The following TAGLN3 variants were observed in gnomAD, a reference collection of about 807,000 sequenced individuals.
TAGLN3 encodes the protein transgelin 3, also known as transgelin-3.
Under a neutral mutation model 25.4 loss-of-function variants are expected in TAGLN3, and 12 were observed. The observed-to-expected ratio is 0.47, with a 90% CI of 0.30 to 0.77. TAGLN3 has a LOEUF of 0.77. Among genes scored for constraint, TAGLN3 ranks in the 30% least tolerant of loss-of-function variants. TAGLN3 has a pLI of 0.06. For synonymous variants in TAGLN3, 96 were observed against 94.8 expected, an observed-to-expected ratio of 1.01 and a Z score of -0.08; for missense variants, 218 against 255.8, an observed-to-expected ratio of 0.85 and a Z score of 1.01.
intron 3 of TAGLN3, among the ~76,000 whole-genome samples, chr3:112,010,266 A>G (rs1439391284): frequency 6.6e-6 from 1 of 152,106 alleles, no homozygotes; most frequent in Non-Finnish European, 1.5e-5. Flanking sequence ...GACATATCAG[A>G]ATAGCTCTTT....
At chr3:112,012,455 T>C (rs755812559) in intron 4 of TAGLN3, among the ~76,000 whole-genome samples, 4 of 152,124 alleles carry the variant, frequency 2.6e-5, no homozygotes, top group Non-Finnish European at 5.9e-5. Context: ...ACAAATTATA[T>C]GGTTATCTCT....
intron 4 of TAGLN3, among the ~76,000 whole-genome samples, chr3:112,012,421 C>T: frequency 6.6e-6 from 1 of 152,032 alleles, no homozygotes; most frequent in Non-Finnish European, 1.5e-5. Context: ...CTCTTTCACT[C>T]TCAACAGCGT....
intron 3 of TAGLN3, among the ~76,000 whole-genome samples, chr3:112,003,541 G>T (rs1255605740): frequency 1.3e-5 from 2 of 152,060 alleles, no homozygotes; most frequent in Non-Finnish European, 2.9e-5. Flanking sequence ...ATGTGAGGGG[G>T]TACATGTTTG....
At chr3:112,012,035 C>T (rs1473223399) in intron 4 of TAGLN3, among the ~76,000 whole-genome samples, 170 bp downstream of exon 4, 1 of 152,176 alleles carries the variant, frequency 6.6e-6, no homozygotes, top group South Asian at 2.1e-4. Context: ...TCTGTACAGG[C>T]CAGTAACCTA....
Position 112,000,527 on chromosome 3 carries a change from T to C in TAGLN3, c.181-245T>C, listed in dbSNP as rs567006847. On this transcript the variant is annotated intron_variant, in intron 2 of 4. Transcript: ENST00000478951. The stretch of plus-strand genomic sequence containing the variant: ...AAGGAAGGGAGGAACAGGGAGGGAA[T>C]GGCGCTCCCAGGCTACAGGAATCTC... The C allele has an allele frequency of 1.9e-4, 72 of 388,680 alleles. No individual in the cohort carries two copies. In the East Asian group the frequency reaches 2.8e-3, roughly 15 times the overall value. The allele number at this position is 388,680 out of a possible 1,614,324, so 24.1% of individuals were successfully genotyped here.
At position 112,009,909 on chromosome 3, in the gene TAGLN3, G is replaced by C. The variant is rs536624719; in HGVS notation, c.356-1854G>C. Among the ~76,000 whole-genome samples the C allele has an allele frequency of 9.9e-5, 15 of 152,016 alleles. No individual in the cohort carries two copies. The East Asian group carries it at 2.7e-3, about 28-fold the overall frequency. Reference sequence around the variant, plus strand: ...GCTCCTGGATATCTTATCTTAGCCGGCAACTTAGTTCCCTTTGTCCTCTCT... The same window carrying C: ...GCTCCTGGATATCTTATCTTAGCCGCCAACTTAGTTCCCTTTGTCCTCTCT... On this transcript the variant is annotated intron_variant, in intron 3 of 4. Coordinates refer to ENST00000478951, the MANE Select transcript of TAGLN3 (RefSeq NM_001008272.2).
intron 4 of TAGLN3, 83 bp downstream of exon 4, chr3:112,011,948 C>T (rs1277637891): frequency 2.3e-6 from 3 of 1,299,920 alleles, no homozygotes; most frequent in Non-Finnish European, 3.2e-6. Context: ...TCTACAGAGG[C>T]TTTATGTGCA....
intron 3 of TAGLN3, among the ~76,000 whole-genome samples, chr3:112,008,342 G>A (rs2072940546): frequency 6.6e-6 from 1 of 152,078 alleles, no homozygotes; most frequent in South Asian, 2.1e-4. Flanking sequence ...AGAGACAGGG[G>A]TTCCCTCTGT....
chr3:111,998,941 C>A lies in TAGLN3; in HGVS notation c.-176C>A, dbSNP rs2072819719. 6.5e-6 allele frequency: 1 copy of A among 152,758 alleles called. No individual in the cohort carries two copies. 9.5% of individuals were successfully genotyped at this position (152,758 alleles called of 1,614,324 possible). Reference sequence around the variant, plus strand: ...AAAATCAAATCAATGTGCCATTCTTCCAGGCGCGAGGCAGCAGCGGCTGCA... The same window carrying A: ...AAAATCAAATCAATGTGCCATTCTTACAGGCGCGAGGCAGCAGCGGCTGCA... On this transcript the variant is annotated 5_prime_UTR_variant, in exon 1 of 5. Coordinates refer to ENST00000478951, the MANE Select transcript of TAGLN3 (RefSeq NM_001008272.2).
Position 112,000,959 on chromosome 3 carries a change from CT to C in TAGLN3, c.355+14del. ...GATCTATGGGAAGGTAAACAGCCCCCTGGCCTTTGGGATTGTTCTTTTCTTC... is the reference window on the plus strand; with the variant it reads ...GATCTATGGGAAGGTAAACAGCCCCCGGCCTTTGGGATTGTTCTTTTCTTC... On this transcript the variant is annotated intron_variant, in intron 3 of 4. Coordinates refer to ENST00000478951, the MANE Select transcript of TAGLN3 (RefSeq NM_001008272.2). The C allele has an allele frequency of 6.2e-7, 1 of 1,612,118 alleles. No homozygotes were observed. The highest frequency in any genetic ancestry group is 8.5e-7 in the Non-Finnish European group (1 of 1,179,012).
intron 3 of TAGLN3, 104 bp downstream of exon 3, chr3:112,001,050 T>G: frequency 9.9e-7 from 1 of 1,008,174 alleles, no homozygotes; most frequent in Non-Finnish European, 1.5e-6. Flanking sequence ...GATTGATGTG[T>G]GTAAGATGCT....
chr3:112,000,885 A>G lies in TAGLN3; in HGVS notation c.294A>G (p.Lys98=), dbSNP rs375985663. The change falls in exon 3 of 5, where the codon AAA becomes AAG. Residue 98 remains lysine (K), a synonymous_variant. Coordinates refer to ENST00000478951, the MANE Select transcript of TAGLN3 (RefSeq NM_001008272.2). ...KQMEQISQFL[K]AAETYGVRTT... ...TGGAGCAAATCTCCCAGTTCCTAAA[A>G]GCTGCGGAGACCTATGGTGTCAGAA... The G allele has an allele frequency of 3.1e-6, 5 of 1,614,084 alleles. No homozygotes were observed. The African/African-American group carries it at 6.7e-5, about 22-fold the overall frequency.
Position 112,013,656 on chromosome 3 carries a change from C to G in TAGLN3, c.*105C>G, listed in dbSNP as rs754421951. The G allele has an allele frequency of 1.1e-5, 17 of 1,532,148 alleles. No homozygotes were observed. Among genetic ancestry groups the G allele is most frequent in the African/African-American group, 2.7e-5 (2 of 72,918 alleles). The allele number at this position is 1,532,148 out of a possible 1,614,324, so 94.9% of individuals were successfully genotyped here. On this transcript the variant is annotated 3_prime_UTR_variant, in exon 5 of 5. Coordinates refer to ENST00000478951, the MANE Select transcript of TAGLN3 (RefSeq NM_001008272.2). ...TCTGACCTTCTCCTCTTTCTCAAAG[C>G]CTTCTGTCCCTGGTTTTTGCAAGTG... is the stretch of plus-strand genomic sequence containing the variant.
At position 112,008,598 on chromosome 3, in the gene TAGLN3, C is replaced by T. The variant is rs1435017205; in HGVS notation, c.356-3165C>T. Among the ~76,000 whole-genome samples, 3 of 152,160 alleles carry T rather than the reference C, an allele frequency of 2.0e-5. No individual in the cohort carries two copies. The East Asian group carries it at 5.8e-4, about 29-fold the overall frequency. On this transcript the variant is annotated intron_variant, in intron 3 of 4. Transcript: ENST00000478951. Reference sequence around the variant, plus strand: ...CAGCTTCTACAAGTGGCCCTGACTCCTGTGTGCCACTCTCATCCAATGGTG... The same window carrying T: ...CAGCTTCTACAAGTGGCCCTGACTCTTGTGTGCCACTCTCATCCAATGGTG...
intron 3 of TAGLN3, among the ~76,000 whole-genome samples, chr3:112,010,920 C>T (rs1312994601): frequency 1.3e-5 from 2 of 152,218 alleles, no homozygotes; most frequent in Non-Finnish European, 2.9e-5. Flanking sequence ...TGAGCTGCAG[C>T]AGCTGGGCCA....
At chr3:112,001,306 C>T (rs2072857191) in intron 3 of TAGLN3, among the ~76,000 whole-genome samples, 2 of 152,310 alleles carry the variant, frequency 1.3e-5, no homozygotes, top group East Asian at 3.9e-4. Context: ...GTGCTTCTTG[C>T]TCAACTGCAG....
intron 1 of TAGLN3, 109 bp downstream of exon 1, chr3:111,999,223 T>C (rs2072824446): frequency 1.8e-6 from 1 of 564,552 alleles, no homozygotes; most frequent in Non-Finnish European, 3.1e-6. Flanking sequence ...GGCGGGTAGC[T>C]GTGCTTTTCT....
intron 3 of TAGLN3, among the ~76,000 whole-genome samples, chr3:112,002,586 G>A (rs1464789456): frequency 1.3e-5 from 2 of 151,882 alleles, no homozygotes; most frequent in Non-Finnish European, 2.9e-5. Flanking sequence ...GATGACTCAG[G>A]ACTGTGTAGG....
At position 112,008,433 on chromosome 3, in the gene TAGLN3, G is replaced by A. The variant is rs2072941689; in HGVS notation, c.356-3330G>A. Among the ~76,000 whole-genome samples, 5 of 152,286 alleles carry A rather than the reference G, an allele frequency of 3.3e-5. No homozygotes were observed. The South Asian group carries it at 1.0e-3, about 32-fold the overall frequency. ...GGGCTCAAGCAGTCTTCCTGCCTCA[G>A]CCTCCCAAAGTGTTGAAATTACCGT... On this transcript the variant is annotated intron_variant, in intron 3 of 4. Transcript: ENST00000478951.
Sources: gnomAD v4.1 joint callset for allele counts (sites outside exome capture counted in the v4.1 genomes callset) on GRCh38, gnomAD v4.1.1 for gene constraint, MANE v1.5 for transcripts, NCBI Gene and HGNC (gene_info 2026-07-23, HGNC 2026-07-21) for gene names.